Variants in RCC2 observed in about 807,000 individuals in gnomAD.
RCC2 encodes protein RCC2.
Under a neutral mutation model 64.1 loss-of-function variants are expected in RCC2, and 19 were observed. The observed-to-expected ratio is 0.30, with a 90% CI of 0.21 to 0.44. The LOEUF is 0.44. Ranked by LOEUF, RCC2 falls within the 20% of genes least tolerant of loss-of-function variation. The probability of loss-of-function intolerance (pLI) is 1.00; values close to 1 mark genes in which losing one functional copy is unlikely to be tolerated. For synonymous variants in RCC2, 325 were observed against 279.6 expected, an observed-to-expected ratio of 1.16 and a Z score of -1.62; for missense variants, 508 against 710.4, an observed-to-expected ratio of 0.72 and a Z score of 3.24.
intron 4 of RCC2, 133 bp from the exon 5 acceptor site, chr1:17,422,969 G>A (rs1570189917): frequency 3.5e-6 from 2 of 568,216 alleles, no homozygotes; most frequent in Admixed American, 3.8e-5. Flanking sequence ...ATTCCCAACA[G>A]CCAAGATCCA....
intron 2 of RCC2, 146 bp downstream of exon 2, chr1:17,438,081 CAAT>C (rs2075759306): frequency 4.9e-6 from 2 of 411,712 alleles, no homozygotes; most frequent in South Asian, 2.1e-4. Flanking sequence ...GAGGCGGAGG[CAAT>C]GATTCAGCCC....
In RCC2 at chr1:17,431,359, A is replaced by ATATAT. The variant is rs1265674393; in HGVS notation, c.286-2161_286-2160insATATA. ...AAAAAAAAAAAAAAAAAAAAAAAAA[A>ATATAT]ATATATATATATATATATATATGTG... is the stretch of plus-strand genomic sequence containing the variant. On this transcript the variant is annotated intron_variant, in intron 2 of 12. Coordinates refer to ENST00000375436, the MANE Select transcript of RCC2 (RefSeq NM_018715.4). Among the ~76,000 whole-genome samples, 8 of 44,930 alleles carry ATATAT rather than the reference A, an allele frequency of 1.8e-4. 1 individual carries two copies. Among genetic ancestry groups the ATATAT allele is most frequent in the Middle Eastern group, 0.033 (2 of 60 alleles). 29.5% of individuals were successfully genotyped at this position (44,930 alleles called of 152,430 possible).
intron 11 of RCC2, among the ~76,000 whole-genome samples, chr1:17,411,103 A>G (rs2100351464): frequency 6.6e-6 from 1 of 152,206 alleles, no homozygotes; most frequent in South Asian, 2.1e-4. Context: ...CCTCTCCATC[A>G]ACCACAAGAG....
chr1:17,412,225 C>T (rs1408596104), intron 10 of RCC2, 31 bp from the exon 11 acceptor site: 3 of 1,609,406 alleles, frequency 1.9e-6, no homozygotes, highest in Non-Finnish European at 1.7e-6. Flanking sequence ...ACTGCAGGGC[C>T]AGCAGCCCCA....
chr1:17,437,693 G>C (rs2075751765), intron 2 of RCC2, among the ~76,000 whole-genome samples: 1 of 146,918 alleles, frequency 6.8e-6, no homozygotes, highest in Admixed American at 6.8e-5. Flanking sequence ...GCGGCCGTCA[G>C]GCCCCGCCCC....
intron 2 of RCC2, among the ~76,000 whole-genome samples, chr1:17,431,352 AAAAAAAAAT>A (rs1384180772): frequency 1.1e-5 from 1 of 92,802 alleles, no homozygotes; most frequent in Non-Finnish European, 2.1e-5. Context: ...AAAAAAAAAA[AAAAAAAAAT>A]ATATATATAT....
chr1:17,412,364 C>CCGTGCAGGCCACTCAA (rs1553156305), intron 10 of RCC2, among the ~76,000 whole-genome samples, 170 bp from the exon 11 acceptor site: 1 of 152,232 alleles, frequency 6.6e-6, no homozygotes, highest in Admixed American at 6.5e-5. Flanking sequence ...TAAGATTGTT[C>CCGTGCAGGCCACTCAA]CGTGCAGGCC....
At chr1:17,418,795 A>T (rs991748711) in intron 7 of RCC2, among the ~76,000 whole-genome samples, 1 of 152,254 alleles carries the variant, frequency 6.6e-6, no homozygotes, top group Non-Finnish European at 1.5e-5. Context: ...GGTATTTTTA[A>T]ACACTTGCAC....
chr1:17,432,036 C>T (rs918758775), intron 2 of RCC2, among the ~76,000 whole-genome samples: 2 of 151,254 alleles, frequency 1.3e-5, no homozygotes, highest in Non-Finnish European at 2.9e-5. Flanking sequence ...TGCAGCGAGC[C>T]GAGATCACAC....
chr1:17,434,377 A>ATCCTT (rs2075714793), intron 2 of RCC2, among the ~76,000 whole-genome samples: 1 of 152,202 alleles, frequency 6.6e-6, no homozygotes, highest in Non-Finnish European at 1.5e-5. Context: ...AAAAACCTGT[A>ATCCTT]AGGACCAGGT....
At chr1:17,430,506 G>A (rs2075664426) in intron 2 of RCC2, among the ~76,000 whole-genome samples, 3 of 150,826 alleles carry the variant, frequency 2.0e-5, no homozygotes, top group African/African-American at 7.3e-5. Flanking sequence ...AAAAAAAGGG[G>A]GCCAGGCACA....
At position 17,429,184 on chromosome 1, in the gene RCC2, T is replaced by C; in HGVS notation, c.301A>G (p.Lys101Glu). 2.5e-6 allele frequency: 4 copies of C among 1,614,164 alleles called. No individual in the cohort carries two copies. In the East Asian group the frequency reaches 6.7e-5, roughly 27 times the overall value. ...AAAATCAAAAGCTGCCCTTTGCACT[T>C]TGACCCTTCAAGTTTCTGCAGAGAC... ...TKERVKLEGSKCKGQLLIFGA... is the reference protein window; with the variant it reads ...TKERVKLEGSECKGQLLIFGA... The change falls in exon 3 of 13, where the codon AAG (lysine) becomes GAG (glutamate). Residue 101 changes from lysine to glutamate, a missense_variant. Physicochemically the swap from Lys to Glu is moderately conservative, Grantham distance 56. Coordinates refer to ENST00000375436, the MANE Select transcript of RCC2 (RefSeq NM_018715.4).
chr1:17,413,595 C>A lies in RCC2; in HGVS notation c.1149G>T (p.Gly383=). Residue 383 remains glycine (G), a synonymous_variant, in exon 9 of 13, where the codon GGG becomes GGT. Transcript: ENST00000375436. Reference sequence around the variant, plus strand: ...CAGCATAGATCTGGGAAGCCCCACGCCCAGGGAAGTCAAACAGCTTCACCA... The same window carrying A: ...CAGCATAGATCTGGGAAGCCCCACGACCAGGGAAGTCAAACAGCTTCACCA... The part of the protein sequence containing the change: ...PRLVKLFDFP[G]RGASQIYAGY... The A allele has an allele frequency of 6.2e-7, 1 of 1,614,084 alleles. No homozygotes were observed. The highest frequency in any genetic ancestry group is 8.5e-7 in the Non-Finnish European group (1 of 1,179,976).
chr1:17,436,649 G>GGT (rs1557636947), intron 2 of RCC2, among the ~76,000 whole-genome samples: 2 of 152,184 alleles, frequency 1.3e-5, no homozygotes. Flanking sequence ...CTCAGCATGG[G>GGT]GTAAGGATCT....
chr1:17,425,606 A>G lies in RCC2; in HGVS notation c.458T>C (p.Val153Ala). 6.2e-7 allele frequency: 1 copy of G among 1,614,104 alleles called. No homozygotes were observed. Among genetic ancestry groups the G allele is most frequent in the Non-Finnish European group, 8.5e-7 (1 of 1,179,994 alleles). ...GTGTGCAGCACACGAGCCCGAGACCACTGTCCGCACCCGGACCCCCGCCAG... is the reference window on the plus strand; with the variant it reads ...GTGTGCAGCACACGAGCCCGAGACCGCTGTCCGCACCCGGACCCCCGCCAG... ...GCLAGVRVRT[V>A]VSGSCAAHSL... Residue 153 changes from valine to alanine, a missense_variant, in exon 4 of 13, where the codon GTG (valine) becomes GCG (alanine). Val to Ala is a moderately conservative substitution (Grantham distance 64). Coordinates refer to ENST00000375436, the MANE Select transcript of RCC2 (RefSeq NM_018715.4).
chr1:17,427,104 T>C (rs1415569790), intron 3 of RCC2, among the ~76,000 whole-genome samples: 2 of 152,204 alleles, frequency 1.3e-5, no homozygotes, highest in Non-Finnish European at 2.9e-5. Context: ...ATTTCCAGGA[T>C]TGTGGTGATT....
chr1:17,431,517 A>AAG (rs1254694002), intron 2 of RCC2, among the ~76,000 whole-genome samples: 1 of 145,206 alleles, frequency 6.9e-6, no homozygotes, highest in African/African-American at 2.5e-5. Context: ...AAAAAAAAAA[A>AAG]AAAAGAAAGA....
chr1:17,438,427 C>T lies in RCC2; in HGVS notation c.88G>A (p.Gly30Ser). Residue 30 changes from glycine (G) to serine (S), a missense_variant, in exon 2 of 13, where the codon GGC (glycine) becomes AGC (serine). By Grantham distance (56) the Gly-to-Ser change is moderately conservative. This residue lies in a region of RCC2 where 195 missense variants were observed against 158.3 expected (regional missense o/e 1.23). Coordinates refer to ENST00000375436, the MANE Select transcript of RCC2 (RefSeq NM_018715.4). ...TARAGPRKRG[G>S]PAGRKRERPE... ...CGCTCGCGCTTCCTGCCCGCCGGGC[C>T]GCCGCGTTTCCTGGGCCCGGCGCGG... is the stretch of plus-strand genomic sequence containing the variant. 7.8e-7 allele frequency: 1 copy of T among 1,279,824 alleles called. No individual in the cohort carries two copies. The highest frequency in any genetic ancestry group is 9.8e-7 in the Non-Finnish European group (1 of 1,017,350). 79.3% of individuals were successfully genotyped at this position (1,279,824 alleles called of 1,614,324 possible). A position where few individuals can be genotyped will look rare whatever the true frequency, so the allele number is the denominator to read the frequency against.
chr1:17,425,732 G>A, intron 3 of RCC2, 48 bp from the exon 4 acceptor site: 2 of 1,558,940 alleles, frequency 1.3e-6, no homozygotes, highest in Non-Finnish European at 1.8e-6. Context: ...GTGGTGGGGT[G>A]ACCTCCAAAA....
Sources: allele counts gnomAD v4.1 joint callset (sites outside exome capture counted in the v4.1 genomes callset), GRCh38; gene constraint gnomAD v4.1.1; regional missense constraint gnomAD v4.1.1; transcripts MANE v1.5; gene names NCBI Gene and HGNC (gene_info 2026-07-23, HGNC 2026-07-21).